Variants in KCNN2 observed in about 807,000 individuals in gnomAD.
KCNN2 encodes potassium calcium-activated channel subfamily N member 2, also known as small conductance calcium-activated potassium channel protein 2.
A neutral mutation model predicts 55.5 loss-of-function variants in KCNN2; 24 were observed. The observed-to-expected ratio is 0.43, with a 90% CI of 0.31 to 0.61. The LOEUF (loss-of-function observed/expected upper bound fraction) is 0.61, where lower values mean the gene tolerates loss of function less well. KCNN2 is among the 20% of genes least tolerant of loss of function. The pLI is 0.08. For missense variants in KCNN2, 754 were observed against 853.6 expected, an observed-to-expected ratio of 0.88 and a Z score of 1.45; for synonymous variants, 431 against 336.1, an observed-to-expected ratio of 1.28 and a Z score of -3.09.
At chr5:114,205,081 CT>C (rs11325689) in intron 1 of KCNN2, among the ~76,000 whole-genome samples, 108,812 of 150,458 alleles carry the variant, frequency 0.72, 39,370 homozygotes, top group East Asian at 0.87. Flanking sequence ...TTTTCTTTGT[CT>C]TTTTTTTTTT....
At chr5:114,344,503 T>C (rs1757073863) in intron 2 of KCNN2, among the ~76,000 whole-genome samples, 1 of 152,326 alleles carries the variant, frequency 6.6e-6, no homozygotes, top group African/African-American at 2.4e-5. Flanking sequence ...AGCTTCAGTG[T>C]CCAGAGTTGT....
intron 3 of KCNN2, among the ~76,000 whole-genome samples, chr5:114,408,563 T>C (rs934987632): frequency 3.9e-5 from 6 of 152,172 alleles, no homozygotes; most frequent in Non-Finnish European, 7.3e-5. Context: ...TACCTTATGA[T>C]GGTTGAAGAA....
chr5:114,247,202 C>CA (rs370172975), intron 2 of KCNN2, among the ~76,000 whole-genome samples: 19,994 of 68,330 alleles, frequency 0.29, 2,282 homozygotes, highest in East Asian at 0.49. Flanking sequence ...CATATGTCTC[C>CA]AAAAAAAAAA....
At chr5:114,295,230 T>C (rs1036605151) in intron 2 of KCNN2, among the ~76,000 whole-genome samples, 3 of 152,214 alleles carry the variant, frequency 2.0e-5, no homozygotes, top group African/African-American at 7.2e-5. Context: ...TCTTCAAAGC[T>C]GTCAGACAGG....
rs6895755 is a variant in KCNN2 at position 114,144,570 on chromosome 5, C to T, written c.-270-76910C>T. ...GATTCCCAAGGCCTATGTAAGGCTACGGGGAGCCAAATACCTTCTCTGGCT... is the reference window on the plus strand; with the variant it reads ...GATTCCCAAGGCCTATGTAAGGCTATGGGGAGCCAAATACCTTCTCTGGCT... On this transcript the variant is annotated intron_variant, in intron 1 of 10. Transcript: ENST00000512097. Among the ~76,000 whole-genome samples the T allele has an allele frequency of 7.9e-3, 1,207 of 152,112 alleles. 17 individuals are homozygous for T. The highest frequency in any genetic ancestry group is 0.027 in the African/African-American group (1,107 of 41,480).
At chr5:114,185,838 A>G (rs181739995) in intron 1 of KCNN2, among the ~76,000 whole-genome samples, 7 of 152,108 alleles carry the variant, frequency 4.6e-5, no homozygotes, top group Non-Finnish European at 1.0e-4. Context: ...TGAAATGCTC[A>G]TCAGCTGGTT....
chr5:114,407,650 T>C (rs1758979689), intron 3 of KCNN2, among the ~76,000 whole-genome samples: 1 of 152,204 alleles, frequency 6.6e-6, no homozygotes, highest in Non-Finnish European at 1.5e-5. Context: ...GCAATTTCAA[T>C]ACCTTTACAT....
intron 2 of KCNN2, among the ~76,000 whole-genome samples, chr5:114,264,747 C>T (rs1172018206): frequency 6.6e-6 from 1 of 152,194 alleles, no homozygotes. Context: ...GGTAGTCTCA[C>T]CATGCTTGAA....
intron 2 of KCNN2, among the ~76,000 whole-genome samples, chr5:114,348,284 AG>A (rs1330976510): frequency 1.5e-5 from 1 of 65,684 alleles, no homozygotes. Context: ...TACGAGGGGG[AG>A]GGGGGAGGGA....
chr5:114,302,358 G>GT (rs1349031921), intron 2 of KCNN2, among the ~76,000 whole-genome samples: 23 of 151,978 alleles, frequency 1.5e-4, no homozygotes, highest in Admixed American at 1.5e-3. Flanking sequence ...ATTTATTTAG[G>GT]ACCTACTATA....
In KCNN2 at chr5:114,430,468, A is replaced by G. The variant is rs529739894; in HGVS notation, c.1637+25612A>G. 2.4e-4 allele frequency among the ~76,000 whole-genome samples: 37 copies of G among 152,112 alleles called. No individual in the cohort carries two copies. In the East Asian group the frequency reaches 5.6e-3, roughly 23 times the overall value. On this transcript the variant is annotated intron_variant, in intron 3 of 7. Transcript: ENST00000673685. The stretch of plus-strand genomic sequence containing the variant: ...TTGGATATTATCTTTGTATCCTGCA[A>G]CCTTGCAATACTTACTTATTAGTTC...
chr5:114,452,783 A>G (rs1760750840), intron 3 of KCNN2, among the ~76,000 whole-genome samples: 5 of 152,236 alleles, frequency 3.3e-5, no homozygotes, highest in Admixed American at 2.6e-4. Flanking sequence ...ACGTGTGAAT[A>G]TCAGCAACAA....
chr5:114,375,952 G>GTCTATATATATATATATATATA (rs1249028214), intron 2 of KCNN2, among the ~76,000 whole-genome samples: 1 of 104,722 alleles, frequency 9.5e-6, no homozygotes, highest in Non-Finnish European at 1.9e-5. Flanking sequence ...GACTCACAGT[G>GTCTATATATATATATATATATA]TATATATATA....
chr5:114,206,763 C>A (rs1438077185), intron 1 of KCNN2, among the ~76,000 whole-genome samples: 3 of 147,484 alleles, frequency 2.0e-5, no homozygotes, highest in Admixed American at 6.8e-5. Context: ...CCTGGTACTT[C>A]TTTTTTTTTT....
chr5:114,411,301 A>G (rs1759123680), intron 3 of KCNN2, among the ~76,000 whole-genome samples: 1 of 152,124 alleles, frequency 6.6e-6, no homozygotes, highest in Non-Finnish European at 1.5e-5. Flanking sequence ...TTGAAACATA[A>G]TTTATTATTA....
chr5:114,409,691 A>G (rs1230259707), intron 3 of KCNN2, among the ~76,000 whole-genome samples: 1 of 152,234 alleles, frequency 6.6e-6, no homozygotes, highest in Non-Finnish European at 1.5e-5. Context: ...AGAAGTTTGC[A>G]TTAAAAACCT....
Position 114,489,972 on chromosome 5 carries a change from A to C in KCNN2, c.2018+2795A>C, listed in dbSNP as rs140394774. Among the ~76,000 whole-genome samples the C allele has an allele frequency of 1.7e-3, 257 of 151,238 alleles. 2 individuals carry two copies. Among genetic ancestry groups the C allele is most frequent in the Non-Finnish European group, 2.7e-3 (182 of 67,742 alleles). ...GCTTCTACCAGTCCATGCTATCTCA[A>C]CTCTGTTTCTCTTTTCCAAACTTCA... On this transcript the variant is annotated intron_variant, in intron 6 of 7. Transcript: ENST00000673685.
At chr5:114,453,537 T>C (rs184105920) in intron 3 of KCNN2, among the ~76,000 whole-genome samples, 203 of 152,338 alleles carry the variant, frequency 1.3e-3, no homozygotes, top group Middle Eastern at 0.01. Flanking sequence ...CCTTTAGAGA[T>C]AGATGTGTGC....
At chr5:114,325,925 C>T (rs907749725) in intron 2 of KCNN2, among the ~76,000 whole-genome samples, 1 of 152,180 alleles carries the variant, frequency 6.6e-6, no homozygotes, top group Non-Finnish European at 1.5e-5. Context: ...CAAATGTTGT[C>T]TAATACTTCC....
Sources: gnomAD v4.1 joint callset for allele counts (sites outside exome capture counted in the v4.1 genomes callset) on GRCh38, gnomAD v4.1.1 for gene constraint, MANE v1.5 for transcripts, NCBI Gene and HGNC (gene_info 2026-07-23, HGNC 2026-07-21) for gene names.